The following SETD1B variants were observed in gnomAD, a reference collection of about 807,000 sequenced individuals.
The protein encoded by SETD1B is SET domain containing 1B, histone lysine methyltransferase.
A neutral mutation model predicts 148.0 loss-of-function variants in SETD1B; 7 were observed. The observed-to-expected ratio is 0.05, with a 90% CI of 0.03 to 0.09. The LOEUF is 0.09. Among genes scored for constraint, SETD1B ranks in the 10% least tolerant of loss-of-function variants. The probability of loss-of-function intolerance (pLI) is 1.00; values close to 1 mark genes in which losing one functional copy is unlikely to be tolerated. For missense variants in SETD1B, 2,155 were observed against 2,729.9 expected (o/e 0.79, Z 4.69); for synonymous variants, 1,361 against 1,186.5 (o/e 1.15, Z -3.02).
Position 121,814,455 on chromosome 12 carries a change from C to A in SETD1B, c.2240C>A (p.Pro747His). Residue 747 changes from proline to histidine, a missense_variant, in exon 7 of 17, where the codon CCC becomes CAC. Around this residue, in one of 11 missense-constraint regions of SETD1B, gnomAD observed 295 missense variants for 303.8 expected, o/e 0.97. Transcript: ENST00000604567. ...PPPPILPPLP[P>H]FPPGLFPVMQ... ...CCACCCATCCTGCCACCACTGCCCC[C>A]CTTTCCGCCGGGCCTGTTCCCTGTG... 1.4e-6 allele frequency: 2 copies of A among 1,446,712 alleles called. No individual in the cohort carries two copies. The highest frequency in any genetic ancestry group is 1.5e-5 in the South Asian group (1 of 68,224). 89.6% of individuals were successfully genotyped at this position (1,446,712 alleles called of 1,614,324 possible).
upstream of SETD1B, chr12:121,801,599 G>T (rs1319328399): frequency 6.6e-6 from 1 of 152,656 alleles, no homozygotes; most frequent in African/African-American, 2.4e-5. Context: ...ATGGAGTCTA[G>T]AAGATCAAGC....
In SETD1B at chr12:121,832,395, C is replaced by T. The variant is rs1817148972; in HGVS notation, c.*2156C>T. On this transcript the variant is annotated 3_prime_UTR_variant, in exon 17 of 17. Transcript: ENST00000604567. ...CTCCCTCATTTTTCATTGAACAAAT[C>T]TCTGCTTTTCAAGAGTTGGGGGTTT... 6.5e-6 allele frequency: 1 copy of T among 153,692 alleles called. No individual in the cohort carries two copies. Among genetic ancestry groups the T allele is most frequent in the African/African-American group, 2.4e-5 (1 of 41,428 alleles). 9.5% of individuals were successfully genotyped at this position (153,692 alleles called of 1,614,324 possible).
At chr12:121,813,208 G>A (rs546800476) in intron 6 of SETD1B, among the ~76,000 whole-genome samples, 1 of 152,378 alleles carries the variant, frequency 6.6e-6, no homozygotes, top group South Asian at 2.1e-4. Context: ...GCCCTGTGAG[G>A]TTATCTTTCG....
Position 121,809,666 on chromosome 12 carries a change from T to TCCTCTGTCACCC in SETD1B, c.724_735dup (p.Ser242_Pro245dup). On this transcript the variant is annotated inframe_insertion, in exon 6 of 17. Transcript: ENST00000604567. ...GTCTGCAGGCTGTGGCTCCGGCTCCTCCTCTGTCACCCCCAATAGCGGTGG... is the reference window on the plus strand; with the variant it reads ...GTCTGCAGGCTGTGGCTCCGGCTCCTCCTCTGTCACCCCCTCTGTCACCCCCAATAGCGGTGG... The TCCTCTGTCACCC allele has an allele frequency of 6.4e-7, 1 of 1,551,658 alleles. No homozygotes were observed. Among genetic ancestry groups the TCCTCTGTCACCC allele is most frequent in the Non-Finnish European group, 8.7e-7 (1 of 1,146,996 alleles).
chr12:121,824,898 C>G (rs1454774351), intron 12 of SETD1B, among the ~76,000 whole-genome samples: 1 of 151,380 alleles, frequency 6.6e-6, no homozygotes, highest in Non-Finnish European at 1.5e-5. Flanking sequence ...GCCTGTAGCC[C>G]CAGCTGCTCA....
chr12:121,828,348 C>T (rs547765737), intron 16 of SETD1B, among the ~76,000 whole-genome samples: 7 of 152,346 alleles, frequency 4.6e-5, no homozygotes, highest in East Asian at 1.9e-4. Context: ...TTGGTAATTT[C>T]GGAGTTATTT....
rs560120726 is a variant in SETD1B at position 121,817,002 on chromosome 12, C to T, written c.2716-31C>T. ...CTGCAAGGGTTGGTGGTGCCAGAAG[C>T]GGTGACGGTCCCCTCCTGTCTCCAC... On this transcript the variant is annotated intron_variant, in intron 7 of 16. Transcript: ENST00000604567. The surrounding 1 kb of genome is among the most constrained non-coding windows in gnomAD (Gnocchi z 8.1). The T allele has an allele frequency of 2.3e-4, 344 of 1,468,234 alleles. No homozygotes were observed. Among genetic ancestry groups the T allele is most frequent in the Middle Eastern group, 1.1e-3 (5 of 4,520 alleles). 91.0% of individuals were successfully genotyped at this position (1,468,234 alleles called of 1,614,324 possible).
chr12:121,817,614 C>T lies in SETD1B; in HGVS notation c.3222C>T (p.Thr1074=), dbSNP rs183976176. The change falls in exon 9 of 17, where the codon ACC becomes ACT. Residue 1074 remains threonine, a synonymous_variant. Transcript: ENST00000604567. This position sits in a 1 kb window ranked among gnomAD's most constrained non-coding sequence, Gnocchi z 8.1. ...ACAAGGAGGAGGAACAGGAGAGCAC[C>T]GAGGAGGAAGAGGAGGCGGAGGAGG... is the stretch of plus-strand genomic sequence containing the variant. ...ASDKEEEQES[T]EEEEEAEEEE... is the part of the protein sequence containing the mutation. 2.6e-5 allele frequency: 40 copies of T among 1,551,488 alleles called. No homozygotes were observed. Among genetic ancestry groups the T allele is most frequent in the Admixed American group, 2.0e-4 (10 of 51,006 alleles).
chr12:121,825,477 C>A, intron 13 of SETD1B, 111 bp downstream of exon 13: 1 of 597,540 alleles, frequency 1.7e-6, no homozygotes, highest in Non-Finnish European at 2.6e-6. Context: ...GCCAGAGGGG[C>A]TGGCACACAG....
upstream of SETD1B, chr12:121,803,266 G>A (rs1371234192): frequency 6.6e-6 from 1 of 152,300 alleles, no homozygotes; most frequent in Non-Finnish European, 1.5e-5. This position sits in a 1 kb window ranked among gnomAD's most constrained non-coding sequence, Gnocchi z 4.7. Context: ...TAAAGAAAGG[G>A]GAAGGAAAAG....
intron 10 of SETD1B, 146 bp from the exon 11 acceptor site, chr12:121,819,258 C>T: frequency 7.2e-7 from 1 of 1,390,506 alleles, no homozygotes; most frequent in Non-Finnish European, 9.5e-7. Context: ...AAAAAAAAGA[C>T]TCCTAGTGAA....
At chr12:121,811,393 T>C (rs1458135698) in intron 6 of SETD1B, among the ~76,000 whole-genome samples, 2 of 150,746 alleles carry the variant, frequency 1.3e-5, no homozygotes, top group African/African-American at 2.4e-5. Flanking sequence ...GTTTCCCTTC[T>C]TCTCCCACTG....
In SETD1B at chr12:121,805,920, G is replaced by A. The variant is rs183960412; in HGVS notation, c.359G>A (p.Arg120Lys). 7 of 1,551,610 alleles carry A rather than the reference G, an allele frequency of 4.5e-6. No homozygotes were observed. In the East Asian group the frequency reaches 1.7e-4, roughly 38 times the overall value. ...LNDNIRENFLRDMCKKYGEVE... is the reference protein window; with the variant it reads ...LNDNIRENFLKDMCKKYGEVE... Reference sequence around the variant, plus strand: ...GATAACATCCGTGAAAACTTCCTGAGGGACATGTGCAAGAAGTATGGGGAG... The same window carrying A: ...GATAACATCCGTGAAAACTTCCTGAAGGACATGTGCAAGAAGTATGGGGAG... Residue 120 changes from arginine to lysine, a missense_variant, in exon 4 of 17, where the codon AGG (arginine) becomes AAG (lysine). Physicochemically the swap from Arg to Lys is conservative, Grantham distance 26. This residue lies in a region of SETD1B where 124 missense variants were observed against 282.9 expected (regional missense o/e 0.44). Transcript: ENST00000604567. This position sits in a 1 kb window ranked among gnomAD's most constrained non-coding sequence, Gnocchi z 4.2.
chr12:121,794,439 C>T, the SETD1B span: 1 of 152,306 alleles, frequency 6.6e-6, no homozygotes, highest in Admixed American at 6.5e-5. Flanking sequence ...GAGGCGTGAA[C>T]CACGCAAGAC....
Position 121,823,498 on chromosome 12 carries a change from G to A in SETD1B, c.4919G>A (p.Gly1640Glu), listed in dbSNP as rs1592989129. The A allele has an allele frequency of 6.4e-7, 1 of 1,550,668 alleles. No homozygotes were observed. Among genetic ancestry groups the A allele is most frequent in the Middle Eastern group, 1.7e-4 (1 of 5,992 alleles). Residue 1640 changes from glycine to glutamate, a missense_variant, in exon 12 of 17, where the codon GGG becomes GAG. Around this residue, in one of 11 missense-constraint regions of SETD1B, gnomAD observed 862 missense variants for 873.8 expected, o/e 0.99. Coordinates refer to ENST00000604567, the MANE Select transcript of SETD1B (RefSeq NM_001353345.2). ...EEYMELAKSRGPWRRPPKKRH... is the reference protein window; with the variant it reads ...EEYMELAKSREPWRRPPKKRH... ...TACATGGAGTTGGCCAAGAGCCGGG[G>A]GCCGTGGCGCCGGCCACCTAAGAAG... is the stretch of plus-strand genomic sequence containing the variant.
intron 12 of SETD1B, among the ~76,000 whole-genome samples, chr12:121,824,219 C>T (rs954970792): frequency 6.6e-6 from 1 of 152,202 alleles, no homozygotes; most frequent in Non-Finnish European, 1.5e-5. Context: ...CCCAGGCAAA[C>T]CTGGCTCTAG....
intron 13 of SETD1B, among the ~76,000 whole-genome samples, chr12:121,827,078 C>CT (rs1461065597): frequency 6.6e-6 from 1 of 152,034 alleles, no homozygotes; most frequent in Non-Finnish European, 1.5e-5. Flanking sequence ...GCAGGGTGAC[C>CT]TCACCTGGGA....
the SETD1B span, chr12:121,793,516 T>G: frequency 6.5e-7 from 1 of 1,543,420 alleles, no homozygotes; most frequent in South Asian, 1.2e-5. Flanking sequence ...GAGCCCTGGC[T>G]GTACACCATG....
the SETD1B span, chr12:121,793,402 C>CCGTGCT: frequency 6.0e-6 from 9 of 1,497,028 alleles, no homozygotes; most frequent in Non-Finnish European, 8.1e-6. Flanking sequence ...GGCCGCCTGT[C>CCGTGCT]CGTGCTCGGG....
Sources: allele counts gnomAD v4.1 joint callset (sites outside exome capture counted in the v4.1 genomes callset), GRCh38; gene constraint gnomAD v4.1.1; regional missense constraint gnomAD v4.1.1; non-coding constraint Gnocchi (gnomAD v3.1); transcripts MANE v1.5; gene names NCBI Gene and HGNC (gene_info 2026-07-23, HGNC 2026-07-21).